Variants in CCDC30 observed in about 807,000 individuals in gnomAD.
CCDC30 encodes coiled-coil domain containing 30.
A neutral mutation model predicts 100.2 loss-of-function variants in CCDC30; 70 were observed. The ratio of observed to expected loss-of-function variants is 0.70; its 90% confidence interval spans 0.58 to 0.85. The LOEUF (loss-of-function observed/expected upper bound fraction) is 0.85, where lower values mean the gene tolerates loss of function less well. Among genes scored for constraint, CCDC30 ranks in the 40% least tolerant of loss-of-function variants. CCDC30 has a pLI of 0.00. For synonymous variants in CCDC30, 233 were observed against 269.5 expected, an observed-to-expected ratio of 0.86 and a Z score of 1.33; for missense variants, 652 against 771.2, an observed-to-expected ratio of 0.85 and a Z score of 1.83.
chr1:42,545,353 A>T, intron 6 of CCDC30, 57 bp from the exon 9 acceptor site: 2 of 1,369,272 alleles, frequency 1.5e-6, no homozygotes, highest in South Asian at 2.9e-5. Context: ...ACTTTTTTTC[A>T]CAGCTATAAA....
In CCDC30 at chr1:42,646,917, G is replaced by A. The variant is rs540844670; in HGVS notation, c.1854+600G>A. On this transcript the variant is annotated intron_variant, in intron 15 of 16. Transcript: ENST00000668663. ...GTTCGAGACCAGCCTGGCCAACATG[G>A]TGAAACCCCATCTCTACTAAAAATA... Among the ~76,000 whole-genome samples the A allele has an allele frequency of 3.3e-5, 5 of 152,222 alleles. No individual in the cohort carries two copies. In the East Asian group the frequency reaches 9.7e-4, roughly 29 times the overall value.
chr1:42,460,346 T>C, upstream of CCDC30: 1 of 987,428 alleles, frequency 1.0e-6, no homozygotes, highest in South Asian at 4.7e-5. Flanking sequence ...ATATCTTGTT[T>C]AGGAAATGGA....
At chr1:42,491,560 CTA>C (rs1178740428) in intron 4 of CCDC30, among the ~76,000 whole-genome samples, 4 of 151,144 alleles carry the variant, frequency 2.6e-5, no homozygotes, top group Non-Finnish European at 1.5e-5. Context: ...AACAGGGTGA[CTA>C]TAGTCAATAA....
At chr1:42,518,562 T>A (rs1644589357) in intron 6 of CCDC30, among the ~76,000 whole-genome samples, 1 of 152,210 alleles carries the variant, frequency 6.6e-6, no homozygotes, top group African/African-American at 2.4e-5. Flanking sequence ...TACAGTAACA[T>A]GCTGTACAGA....
intron 10 of CCDC30, among the ~76,000 whole-genome samples, chr1:42,597,898 C>G (rs772103370): frequency 6.6e-6 from 1 of 151,958 alleles, no homozygotes; most frequent in South Asian, 2.1e-4. Flanking sequence ...TGGCTCACAC[C>G]TGTAATCCCA....
At chr1:42,541,793 T>C (rs2148528105) in intron 6 of CCDC30, among the ~76,000 whole-genome samples, 1 of 152,356 alleles carries the variant, frequency 6.6e-6, no homozygotes, top group Middle Eastern at 3.4e-3. Context: ...TGCTTTAGAC[T>C]TAAAGATAGT....
intron 11 of CCDC30, among the ~76,000 whole-genome samples, chr1:42,635,218 G>A (rs908803287): frequency 6.6e-6 from 1 of 151,970 alleles, no homozygotes; most frequent in Admixed American, 6.6e-5. Flanking sequence ...GCTAATTTCT[G>A]TATTTTTAGT....
At chr1:42,607,420 G>A (rs6661070) in intron 10 of CCDC30, among the ~76,000 whole-genome samples, 36,858 of 151,710 alleles carry the variant, frequency 0.24, 4,957 homozygotes, top group South Asian at 0.46. Flanking sequence ...CCCAGATGCC[G>A]TTAAGAAGAT....
intron 1 of CCDC30, chr1:42,473,245 G>T: frequency 8.1e-7 from 1 of 1,231,572 alleles, no homozygotes; most frequent in Non-Finnish European, 1.0e-6. Context: ...GACAGGCTGA[G>T]GACTGCTACC....
chr1:42,577,180 A>C, exon 8 of CCDC30: 3 of 1,614,164 alleles, frequency 1.9e-6, no homozygotes, highest in Non-Finnish European at 2.5e-6. Flanking sequence ...AACAACCTAC[A>C]GGAAAAGCTG....
chr1:42,614,212 C>T (rs1646680991), intron 11 of CCDC30, among the ~76,000 whole-genome samples: 4 of 151,028 alleles, frequency 2.6e-5, no homozygotes. Flanking sequence ...TCCCGAGTAG[C>T]TGGGACTACA....
intron 8 of CCDC30, among the ~76,000 whole-genome samples, chr1:42,579,390 T>C (rs151261988): frequency 0.033 from 4,944 of 151,602 alleles, 279 homozygotes; most frequent in African/African-American, 0.11. Context: ...TCCCAGCACT[T>C]TGGGAGGCCA....
At chr1:42,523,133 A>G (rs190070391) in intron 6 of CCDC30, among the ~76,000 whole-genome samples, 2 of 152,250 alleles carry the variant, frequency 1.3e-5, no homozygotes, top group East Asian at 3.9e-4. Context: ...CCCAGCTAGT[A>G]CTGGTTTTTA....
intron 11 of CCDC30, among the ~76,000 whole-genome samples, chr1:42,626,899 T>C (rs764400519): frequency 5.3e-5 from 8 of 152,184 alleles, no homozygotes; most frequent in Non-Finnish European, 1.2e-4. Flanking sequence ...TATATCTTTA[T>C]CAGCAGTGTG....
intron 6 of CCDC30, among the ~76,000 whole-genome samples, chr1:42,535,986 T>C (rs531840200): frequency 1.5e-4 from 23 of 151,452 alleles, no homozygotes; most frequent in Admixed American, 2.6e-4. Flanking sequence ...ATGTAACATA[T>C]CTGAGCCTCA....
intron 6 of CCDC30, among the ~76,000 whole-genome samples, chr1:42,529,372 T>C (rs916081740): frequency 9.9e-5 from 15 of 152,158 alleles, no homozygotes; most frequent in African/African-American, 3.6e-4. Context: ...CTTGGGGGGC[T>C]GAGGCAGGAG....
chr1:42,546,668 CA>C (rs1300791686), intron 6 of CCDC30, among the ~76,000 whole-genome samples: 2 of 151,632 alleles, frequency 1.3e-5, no homozygotes, highest in Non-Finnish European at 2.9e-5. Flanking sequence ...CTCTATTTTA[CA>C]TTGCAAATGA....
At chr1:42,524,356 C>G (rs758409695) in intron 6 of CCDC30, among the ~76,000 whole-genome samples, 10 of 152,064 alleles carry the variant, frequency 6.6e-5, no homozygotes, top group Non-Finnish European at 8.8e-5. Flanking sequence ...GTGGATTTTC[C>G]AGTTTCCTCT....
chr1:42,501,835 C>G (rs1373359774), intron 6 of CCDC30, among the ~76,000 whole-genome samples: 1 of 152,288 alleles, frequency 6.6e-6, no homozygotes, highest in East Asian at 1.9e-4. Context: ...CAGAGGGGCA[C>G]CCGGCCATAT....
Sources: allele counts gnomAD v4.1 joint callset (sites outside exome capture counted in the v4.1 genomes callset), GRCh38; gene constraint gnomAD v4.1.1; transcripts MANE v1.5; gene names NCBI Gene and HGNC (gene_info 2026-07-23, HGNC 2026-07-21).